The following MYO15B variants were observed in gnomAD, a reference collection of about 807,000 sequenced individuals.
MYO15B encodes myosin XVB.
In MYO15B, 207 loss-of-function variants were observed where a neutral mutation model predicts 119.3. The observed-to-expected ratio is 1.73, with a 90% confidence interval of 1.55 to 1.95. The LOEUF is 1.95. Among genes scored for constraint, MYO15B ranks in the 30% most tolerant of loss-of-function variants. MYO15B has a pLI of 0.00. For missense variants in MYO15B, 2,264 were observed against 1,203.1 expected (o/e 1.88, Z -13.04); for synonymous variants, 966 against 498.9 (o/e 1.94, Z -12.48).
At chr17:75,588,247 G>A in exon 1 of MYO15B, 1 of 398,234 alleles carries the variant, frequency 2.5e-6, no homozygotes, top group Non-Finnish European at 4.4e-6. Flanking sequence ...GGGAACCCCT[G>A]GTGGCCGCAG....
intron 25 of MYO15B, 73 bp downstream of exon 25, chr17:75,612,089 G>A (rs544445414): frequency 2.5e-5 from 17 of 676,632 alleles, no homozygotes; most frequent in African/African-American, 1.4e-4. Context: ...CAGATGCTGC[G>A]TTTTTTTCCC....
chr17:75,623,817 T>G (rs779254430), exon 54 of MYO15B: 2 of 702,866 alleles, frequency 2.8e-6, no homozygotes, highest in African/African-American at 3.5e-5. Context: ...TGAGATTTAC[T>G]GCCAGGTTAT....
chr17:75,592,856 G>A lies in MYO15B; in HGVS notation c.2991+16G>A. ...CTCCTCAGAGGTGGGCTTCCCCGTG[G>A]GCAGGGGCCATCTGGGGTGCTGGGT... On this transcript the variant is annotated intron_variant, in intron 9 of 63. Transcript: ENST00000645453. The A allele has an allele frequency of 1.4e-6, 1 of 698,800 alleles. No individual in the cohort carries two copies. Among genetic ancestry groups the A allele is most frequent in the Non-Finnish European group, 2.6e-6 (1 of 382,250 alleles). The allele number at this position is 698,800 out of a possible 1,614,324, so 43.3% of individuals were successfully genotyped here. A position where few individuals can be genotyped will look rare whatever the true frequency, so the allele number is the denominator to read the frequency against.
At chr17:75,613,401 C>A in exon 28 of MYO15B, 1 of 674,208 alleles carries the variant, frequency 1.5e-6, no homozygotes. Context: ...GGGCCCACCC[C>A]CCGACCCAGC....
At chr17:75,609,115 T>C (rs1048356825) in intron 21 of MYO15B, among the ~76,000 whole-genome samples, 1 of 152,062 alleles carries the variant, frequency 6.6e-6, no homozygotes, top group African/African-American at 2.4e-5. Context: ...ATCCTCCCAC[T>C]TGAGCCTCCC....
chr17:75,596,533 A>G, exon 13 of MYO15B: 2 of 703,050 alleles, frequency 2.8e-6, no homozygotes, highest in Non-Finnish European at 5.2e-6. Flanking sequence ...TTCTCCAGCC[A>G]GATGCTGCTG....
At chr17:75,607,614 C>T (rs956775885) in intron 21 of MYO15B, among the ~76,000 whole-genome samples, 2 of 151,342 alleles carry the variant, frequency 1.3e-5, no homozygotes, top group Non-Finnish European at 1.5e-5. Context: ...CCCGCCACCA[C>T]GCCCGGCTAA....
chr17:75,599,589 A>G (rs1470013736), intron 14 of MYO15B, among the ~76,000 whole-genome samples: 1 of 151,858 alleles, frequency 6.6e-6, no homozygotes, highest in Non-Finnish European at 1.5e-5. Context: ...CTGGCCTGAA[A>G]GTGATCTTTG....
chr17:75,606,173 G>A, intron 21 of MYO15B, 152 bp downstream of exon 21: 1 of 564,528 alleles, frequency 1.8e-6, no homozygotes, highest in African/African-American at 1.9e-5. Flanking sequence ...CTCCTTGACG[G>A]CATTACCCCC....
Position 75,626,441 on chromosome 17 carries a change from T to TA in MYO15B, c.9249dup (p.Asp3084ArgfsTer8), listed in dbSNP as rs1367732686. 1 of 703,264 alleles carries TA rather than the reference T, an allele frequency of 1.4e-6. No homozygotes were observed. The highest frequency in any genetic ancestry group is 2.6e-6 in the Non-Finnish European group (1 of 385,056). The allele number at this position is 703,264 out of a possible 1,614,324, so 43.6% of individuals were successfully genotyped here. ...CTGCTATACACCACTGTCTTCCTGA[T>TA]AGACAGCAGTGCCTCTTGCACTGAG... On this transcript the variant is annotated frameshift_variant, in exon 64 of 64. Coordinates refer to ENST00000645453, the Ensembl canonical transcript of MYO15B. LOFTEE classifies it low-confidence loss of function (END_TRUNC).
At chr17:75,591,333 C>T (rs2290454) in intron 4 of MYO15B, 87 bp downstream of exon 4, 64,245 of 670,486 alleles carry the variant, frequency 0.096, 4,579 homozygotes, top group African/African-American at 0.3. Flanking sequence ...CTGGAAGCCA[C>T]TGGTATGCTC....
chr17:75,601,364 T>C lies in MYO15B; in HGVS notation c.3526-74T>C, dbSNP rs552903188. ...TAGTCAGTGTAGGCAGTACTCGTGCTCACCGGGAGAGGGCGCCATCCAGAA... is the reference window on the plus strand; with the variant it reads ...TAGTCAGTGTAGGCAGTACTCGTGCCCACCGGGAGAGGGCGCCATCCAGAA... On this transcript the variant is annotated intron_variant, in intron 14 of 63. Coordinates refer to ENST00000645453, the Ensembl canonical transcript of MYO15B. The C allele has an allele frequency of 5.8e-6, 4 of 683,936 alleles. No homozygotes were observed. The East Asian group carries it at 8.1e-5, about 14-fold the overall frequency. The allele number at this position is 683,936 out of a possible 1,614,324, so 42.4% of individuals were successfully genotyped here. A position where few individuals can be genotyped will look rare whatever the true frequency, so the allele number is the denominator to read the frequency against.
At chr17:75,621,078 C>T (rs73366180) in exon 50 of MYO15B, 19,921 of 702,806 alleles carry the variant, frequency 0.028, 2,033 homozygotes, top group African/African-American at 0.26. Flanking sequence ...ACTCGGAGGC[C>T]ACCAGCCTGT....
chr17:75,591,379 G>C (rs1044404011), intron 4 of MYO15B, 133 bp downstream of exon 4: 1 of 622,312 alleles, frequency 1.6e-6, no homozygotes, highest in Non-Finnish European at 2.9e-6. Context: ...CCTCAGGGCC[G>C]AGCTCCTGGC....
At chr17:75,616,348 C>T (rs377044369) in exon 38 of MYO15B, 12 of 610,228 alleles carry the variant, frequency 2.0e-5, no homozygotes, top group Non-Finnish European at 3.5e-5. Context: ...ATGAAGCCCC[C>T]GGCCAAGGTC....
chr17:75,601,131 C>G (rs929655579), intron 14 of MYO15B, among the ~76,000 whole-genome samples: 14 of 151,948 alleles, frequency 9.2e-5, no homozygotes, highest in African/African-American at 3.4e-4. Flanking sequence ...TCTCGAACTC[C>G]TGACCTTGTG....
chr17:75,591,702 G>A (rs773799886), exon 5 of MYO15B: 7 of 702,836 alleles, frequency 1.0e-5, no homozygotes, highest in South Asian at 5.9e-5. Flanking sequence ...ACGGGGAACC[G>A]AGAGTGTCAG....
At chr17:75,620,808 T>C in intron 49 of MYO15B, 172 bp downstream of exon 49, 1 of 701,854 alleles carries the variant, frequency 1.4e-6, no homozygotes, top group Non-Finnish European at 2.6e-6. Context: ...CCAGCAAGAC[T>C]GTGCACTCCT....
At chr17:75,606,380 TCTC>T (rs1483139328) in intron 21 of MYO15B, among the ~76,000 whole-genome samples, 1 of 151,992 alleles carries the variant, frequency 6.6e-6, no homozygotes, top group Non-Finnish European at 1.5e-5. Flanking sequence ...AGTGGCGCGA[TCTC>T]AGCTCACTGC....
Sources: allele counts gnomAD v4.1 joint callset (sites outside exome capture counted in the v4.1 genomes callset), GRCh38; gene constraint gnomAD v4.1.1; transcripts MANE v1.5; gene names NCBI Gene and HGNC (gene_info 2026-07-23, HGNC 2026-07-21).